SHMT1: variants seen among roughly 807,000 people sequenced by gnomAD.
The protein encoded by SHMT1 is serine hydroxymethyltransferase 1, also known as serine hydroxymethyltransferase, cytosolic.
Under a neutral mutation model 49.0 loss-of-function variants are expected in SHMT1, and 45 were observed. That is an observed-to-expected ratio of 0.92 (90% CI 0.72 to 1.18). SHMT1 has a LOEUF of 1.18. SHMT1 is among the 50% of genes most tolerant of loss of function. SHMT1 has a pLI of 0.00. For synonymous variants in SHMT1, 232 were observed against 246.6 expected (o/e 0.94, Z 0.55); for missense variants, 541 against 612.4 (o/e 0.88, Z 1.23).
chr17:18,340,257 T>C lies in SHMT1; in HGVS notation c.602-2A>G. The stretch of plus-strand genomic sequence containing the variant: ...GGTTTCGGGAGTAGCAGCTGGTTCC[T>C]GAGACAGGAAAGGTGACACAGCTGC... On this transcript the variant is annotated splice_acceptor_variant, in intron 6 of 11. Coordinates refer to ENST00000316694, the MANE Select transcript of SHMT1 (RefSeq NM_004169.5). LOFTEE classifies it high-confidence loss of function. The surrounding 1 kb of genome is among the most constrained non-coding windows in gnomAD (Gnocchi z 4.5). 2 of 1,613,974 alleles carry C rather than the reference T, an allele frequency of 1.2e-6. No individual in the cohort carries two copies. Among genetic ancestry groups the C allele is most frequent in the East Asian group, 4.5e-5 (2 of 44,880 alleles).
intron 3 of SHMT1, among the ~76,000 whole-genome samples, chr17:18,349,277 G>T (rs776600337): frequency 1.3e-5 from 2 of 152,010 alleles, no homozygotes; most frequent in Non-Finnish European, 2.9e-5. Context: ...AAAATTAGCC[G>T]GGAGTGGTGG....
intron 11 of SHMT1, 30 bp downstream of exon 11, chr17:18,329,248 A>G: frequency 6.9e-7 from 1 of 1,457,396 alleles, no homozygotes; most frequent in South Asian, 1.1e-5. Flanking sequence ...ACACAATAAG[A>G]TGTGGCAACT....
At chr17:18,350,687 T>G (rs1433214644) in intron 3 of SHMT1, among the ~76,000 whole-genome samples, 1 of 152,064 alleles carries the variant, frequency 6.6e-6, no homozygotes, top group Non-Finnish European at 1.5e-5. Flanking sequence ...GAACTTTGTT[T>G]TTAGGTTTGT....
At position 18,328,491 on chromosome 17, in the gene SHMT1, C is replaced by T. The variant is rs1982800926; in HGVS notation, c.*259G>A. On this transcript the variant is annotated 3_prime_UTR_variant, in exon 12 of 12. Coordinates refer to ENST00000316694, the MANE Select transcript of SHMT1 (RefSeq NM_004169.5). ...AAGTGGCGACATAGTATTTTATTTTCCTAGAATTATGTCCAGCTGTGAGAA... is the reference window on the plus strand; with the variant it reads ...AAGTGGCGACATAGTATTTTATTTTTCTAGAATTATGTCCAGCTGTGAGAA... 3.9e-6 allele frequency: 2 copies of T among 515,268 alleles called. No homozygotes were observed. Among genetic ancestry groups the T allele is most frequent in the Admixed American group, 3.3e-5 (1 of 30,768 alleles). 31.9% of individuals were successfully genotyped at this position (515,268 alleles called of 1,614,324 possible). A position where few individuals can be genotyped will look rare whatever the true frequency, so the allele number is the denominator to read the frequency against.
At chr17:18,359,960 T>G (rs921982915) in intron 1 of SHMT1, among the ~76,000 whole-genome samples, 4 of 116,212 alleles carry the variant, frequency 3.4e-5, no homozygotes, top group Non-Finnish European at 5.5e-5. Context: ...AAAAAAAAAA[T>G]TATTTGGCCA....
intron 3 of SHMT1, among the ~76,000 whole-genome samples, chr17:18,350,113 G>A (rs1423770797): frequency 2.0e-5 from 3 of 152,062 alleles, no homozygotes; most frequent in Non-Finnish European, 4.4e-5. Context: ...CGGATCACGA[G>A]GTCAGGAGAT....
intron 5 of SHMT1, among the ~76,000 whole-genome samples, chr17:18,341,847 T>C (rs1334278089): frequency 6.6e-6 from 1 of 152,162 alleles, no homozygotes; most frequent in Non-Finnish European, 1.5e-5. Flanking sequence ...GCAGAGCATC[T>C]GGCTTAACCA....
chr17:18,362,915 G>C (rs1013640379), intron 1 of SHMT1: 1 of 152,234 alleles, frequency 6.6e-6, no homozygotes, highest in African/African-American at 2.4e-5. Flanking sequence ...CGCAGGCTTT[G>C]AGAACCCGGG....
At chr17:18,351,326 TA>T (rs1985673079) in intron 3 of SHMT1, among the ~76,000 whole-genome samples, 1 of 151,652 alleles carries the variant, frequency 6.6e-6, no homozygotes, top group Non-Finnish European at 1.5e-5. Context: ...TATTTTTTTT[TA>T]GTAGAGATGG....
At chr17:18,343,592 GA>G (rs1472811259) in intron 5 of SHMT1, among the ~76,000 whole-genome samples, 2 of 95,834 alleles carry the variant, frequency 2.1e-5, no homozygotes, top group African/African-American at 8.6e-5. Context: ...TGGGCGACAA[GA>G]GGGAAACTTT....
chr17:18,347,431 C>T, intron 5 of SHMT1, 65 bp downstream of exon 5: 2 of 1,575,644 alleles, frequency 1.3e-6, no homozygotes, highest in Non-Finnish European at 1.7e-6. Context: ...CTTACCCCTG[C>T]AGGCACAGCC....
chr17:18,330,918 G>A (rs1983142536), intron 9 of SHMT1: 1 of 520,096 alleles, frequency 1.9e-6, no homozygotes, highest in Middle Eastern at 5.4e-4. Flanking sequence ...CTCCCATGGG[G>A]AAGGGACAGC....
rs370264888 is a variant in SHMT1, at chr17:18,335,566, G to A, written c.924C>T (p.Ala308=). 7.5e-6 allele frequency: 12 copies of A among 1,604,190 alleles called. No homozygotes were observed. The African/African-American group carries it at 1.5e-4, about 20-fold the overall frequency. ...PGLQGGPHNH[A]IAGVAVALKQ... is the part of the protein sequence containing the mutation. ...AGGCAGATGATGTTTTACCAGCAAT[G>A]GCGTGGTTGTGGGGACCTCCCTGCA... The change falls in exon 8 of 12, where the codon GCC becomes GCT. Residue 308 remains alanine (A), a synonymous_variant. Transcript: ENST00000316694.
At position 18,340,326 on chromosome 17, in the gene SHMT1, C is replaced by T. The variant is rs137986469; in HGVS notation, c.602-71G>A. The T allele has an allele frequency of 1.4e-5, 20 of 1,465,666 alleles. No individual in the cohort carries two copies. The highest frequency in any genetic ancestry group is 3.4e-5 in the South Asian group (3 of 87,684). 90.8% of individuals were successfully genotyped at this position (1,465,666 alleles called of 1,614,324 possible). On this transcript the variant is annotated intron_variant, in intron 6 of 11. Transcript: ENST00000316694. The surrounding 1 kb of genome is among the most constrained non-coding windows in gnomAD (Gnocchi z 4.5). ...CCAGCTGAGTTGGCTTCACAGTGGCCTCTAGATGTGCAGATCTGAAAGCCC... is the reference window on the plus strand; with the variant it reads ...CCAGCTGAGTTGGCTTCACAGTGGCTTCTAGATGTGCAGATCTGAAAGCCC...
At position 18,353,833 on chromosome 17, in the gene SHMT1, C is replaced by T. The variant is rs886472570; in HGVS notation, c.97-16G>A. 6.2e-7 allele frequency: 1 copy of T among 1,613,488 alleles called. No homozygotes were observed. Among genetic ancestry groups the T allele is most frequent in the African/African-American group, 1.3e-5 (1 of 74,922 alleles). ...TGTTGTAAACCTTATGAGAAGAAAACAGATGCTTGATATTTGGAAATTTTA... is the reference window on the plus strand; with the variant it reads ...TGTTGTAAACCTTATGAGAAGAAAATAGATGCTTGATATTTGGAAATTTTA... On this transcript the variant is annotated splice_polypyrimidine_tract_variant and intron_variant, in intron 2 of 11. Coordinates refer to ENST00000316694, the MANE Select transcript of SHMT1 (RefSeq NM_004169.5).
intron 3 of SHMT1, among the ~76,000 whole-genome samples, chr17:18,349,443 A>C (rs1367951763): frequency 6.6e-6 from 1 of 152,002 alleles, no homozygotes; most frequent in East Asian, 1.9e-4. Flanking sequence ...AAGTAACTAC[A>C]TGCAGTGGCT....
intron 1 of SHMT1, among the ~76,000 whole-genome samples, chr17:18,359,601 G>A (rs1986562295): frequency 6.6e-6 from 1 of 151,560 alleles, no homozygotes; most frequent in Non-Finnish European, 1.5e-5. Context: ...GCAGTGAGCC[G>A]AGATTGTGCC....
At chr17:18,347,742 C>A in intron 4 of SHMT1, 86 bp from the exon 5 acceptor site, 1 of 1,489,512 alleles carries the variant, frequency 6.7e-7, no homozygotes, top group African/African-American at 1.4e-5. Context: ...AAGCCTTCAC[C>A]CAGGAGTGGC....
chr17:18,330,577 G>A lies in SHMT1; in HGVS notation c.1149C>T (p.Ala383=), dbSNP rs770458661. The part of the protein sequence containing the change: ...AEKVLEACSI[A]CNKNTCPGDR... Reference sequence around the variant, plus strand: ...CACCTGGACAGGTGTTCTTGTTGCAGGCAATAGAACAGGCTTCTAGCACCT... The same window carrying A: ...CACCTGGACAGGTGTTCTTGTTGCAAGCAATAGAACAGGCTTCTAGCACCT... The change falls in exon 10 of 12, where the codon GCC becomes GCT. Residue 383 remains alanine, a synonymous_variant. Transcript: ENST00000316694. 6 of 1,613,074 alleles carry A rather than the reference G, an allele frequency of 3.7e-6. No individual in the cohort carries two copies. The highest frequency in any genetic ancestry group is 5.1e-6 in the Non-Finnish European group (6 of 1,179,004).
Sources: allele counts gnomAD v4.1 joint callset (sites outside exome capture counted in the v4.1 genomes callset), GRCh38; gene constraint gnomAD v4.1.1; non-coding constraint Gnocchi (gnomAD v3.1); transcripts MANE v1.5; gene names NCBI Gene and HGNC (gene_info 2026-07-23, HGNC 2026-07-21).